Variants in CADPS2 observed in about 807,000 individuals in gnomAD.
The protein encoded by CADPS2 is calcium-dependent secretion activator 2.
In CADPS2, 93 loss-of-function variants were observed where a neutral mutation model predicts 172.5. The ratio of observed to expected loss-of-function variants is 0.54; its 90% CI spans 0.46 to 0.64. The LOEUF is 0.64. CADPS2 is among the 30% of genes least tolerant of loss of function. The probability of loss-of-function intolerance (pLI) is 0.00; values close to 1 mark genes in which losing one functional copy is unlikely to be tolerated. For synonymous variants in CADPS2, 546 were observed against 555.2 expected, an observed-to-expected ratio of 0.98 and a Z score of 0.23; for missense variants, 1,420 against 1,565.9, an observed-to-expected ratio of 0.91 and a Z score of 1.57.
At chr7:122,485,538 T>C (rs1240411911) in intron 11 of CADPS2, among the ~76,000 whole-genome samples, 2 of 152,138 alleles carry the variant, frequency 1.3e-5, no homozygotes, top group South Asian at 2.1e-4. Flanking sequence ...TGAAGAAGCC[T>C]CTGCAAACTG....
intron 8 of CADPS2, among the ~76,000 whole-genome samples, chr7:122,541,579 A>G (rs1401256617): frequency 6.9e-6 from 1 of 144,682 alleles, no homozygotes; most frequent in East Asian, 2.0e-4. Context: ...ATATTCATAT[A>G]TATTTATATA....
intron 5 of CADPS2, among the ~76,000 whole-genome samples, chr7:122,616,235 C>T (rs1011313172): frequency 2.0e-5 from 3 of 151,902 alleles, no homozygotes; most frequent in Non-Finnish European, 4.4e-5. Context: ...CTTAATTGAT[C>T]CCATGTGGTA....
At chr7:122,336,232 C>T (rs1163508813) in intron 28 of CADPS2, among the ~76,000 whole-genome samples, 2 of 152,202 alleles carry the variant, frequency 1.3e-5, no homozygotes, top group Admixed American at 1.3e-4. Context: ...CTGGCTGCCA[C>T]TGCTGTGCCC....
At chr7:122,873,884 T>G (rs972850720) in intron 1 of CADPS2, among the ~76,000 whole-genome samples, 1 of 152,256 alleles carries the variant, frequency 6.6e-6, no homozygotes. Context: ...TGATATCTCG[T>G]TGTGGTTTTG....
At chr7:122,384,365 TTGC>T (rs1406721693) in intron 24 of CADPS2, among the ~76,000 whole-genome samples, 2 of 152,114 alleles carry the variant, frequency 1.3e-5, no homozygotes, top group African/African-American at 4.8e-5. Context: ...AGAAAAAACA[TTGC>T]TGCTATGTTT....
chr7:122,705,495 C>T lies in CADPS2; in HGVS notation c.453+31460G>A, dbSNP rs1308113732. Among the ~76,000 whole-genome samples the T allele has an allele frequency of 7.1e-5, 8 of 112,656 alleles. 1 individual carries two copies. Among genetic ancestry groups the T allele is most frequent in the African/African-American group, 1.0e-4 (3 of 28,808 alleles). 73.9% of individuals were successfully genotyped at this position (112,656 alleles called of 152,430 possible). On this transcript the variant is annotated intron_variant, in intron 2 of 29. Transcript: ENST00000449022. ...TATATATATTTATATTATATATTAT[C>T]TATATTATATATTATCTATATTTAT...
intron 2 of CADPS2, among the ~76,000 whole-genome samples, chr7:122,675,066 T>C (rs2082255413): frequency 2.0e-5 from 3 of 152,344 alleles, no homozygotes; most frequent in Admixed American, 1.3e-4. Flanking sequence ...TCCTGATTCA[T>C]ACGTGTTGTA....
At chr7:122,641,234 T>A (rs1418289598) in intron 3 of CADPS2, among the ~76,000 whole-genome samples, 1 of 152,236 alleles carries the variant, frequency 6.6e-6, no homozygotes, top group Non-Finnish European at 1.5e-5. Context: ...ACCTAATGTG[T>A]ATCTTTATTA....
At chr7:122,674,326 A>G (rs1287498590) in intron 2 of CADPS2, among the ~76,000 whole-genome samples, 2 of 152,200 alleles carry the variant, frequency 1.3e-5, no homozygotes, top group Admixed American at 1.3e-4. Context: ...CAGAGTGGAC[A>G]TCGAGGCTGA....
intron 8 of CADPS2, among the ~76,000 whole-genome samples, chr7:122,519,006 G>A (rs1251102770): frequency 6.6e-6 from 1 of 151,246 alleles, no homozygotes; most frequent in African/African-American, 2.4e-5. Flanking sequence ...AGAAATATAT[G>A]GAAAAACAAA....
chr7:122,642,859 A>G (rs1044672360), intron 3 of CADPS2, among the ~76,000 whole-genome samples: 8 of 152,158 alleles, frequency 5.3e-5, no homozygotes, highest in Admixed American at 5.2e-4. Flanking sequence ...CTGAAAAAAA[A>G]TCAATTAGTT....
chr7:122,717,062 CAA>C (rs1344053694), intron 2 of CADPS2, among the ~76,000 whole-genome samples: 1 of 152,110 alleles, frequency 6.6e-6, no homozygotes, highest in Non-Finnish European at 1.5e-5. Context: ...AATGGCAAAA[CAA>C]AGACTCCTTT....
At chr7:122,676,743 C>G (rs888434672) in intron 2 of CADPS2, 53 of 1,412,380 alleles carry the variant, frequency 3.8e-5, no homozygotes, top group Non-Finnish European at 4.9e-5. Context: ...AGAGGCAGAT[C>G]CAGATTATCA....
intron 9 of CADPS2, among the ~76,000 whole-genome samples, chr7:122,505,690 T>C (rs1209605436): frequency 6.6e-6 from 1 of 152,160 alleles, no homozygotes; most frequent in Non-Finnish European, 1.5e-5. Context: ...ATGTGAGCCA[T>C]GAGACAACTG....
chr7:122,526,179 C>CTTATTTATTTATTTAT (rs3069351), intron 8 of CADPS2, among the ~76,000 whole-genome samples: 26 of 149,858 alleles, frequency 1.7e-4, no homozygotes, highest in African/African-American at 6.2e-4. Context: ...CTTTGATACA[C>CTTATTTATTTATTTAT]TTATTTATTT....
At chr7:122,585,197 G>A (rs1189391448) in intron 6 of CADPS2, among the ~76,000 whole-genome samples, 1 of 151,924 alleles carries the variant, frequency 6.6e-6, no homozygotes, top group Non-Finnish European at 1.5e-5. Context: ...TTTTAAGGGG[G>A]TGCATAAATA....
chr7:122,564,671 C>A (rs1315319084), intron 7 of CADPS2, among the ~76,000 whole-genome samples: 2 of 151,818 alleles, frequency 1.3e-5, no homozygotes, highest in East Asian at 3.9e-4. Context: ...TACTAAGTAC[C>A]CAAAGTAAAA....
chr7:122,735,218 G>C (rs950439046), intron 2 of CADPS2, among the ~76,000 whole-genome samples: 3 of 152,048 alleles, frequency 2.0e-5, no homozygotes, highest in East Asian at 3.9e-4. Flanking sequence ...CCAAACTCTA[G>C]ATATATTAGG....
At chr7:122,705,830 T>C (rs1158267584) in intron 2 of CADPS2, among the ~76,000 whole-genome samples, 1 of 17,442 alleles carries the variant, frequency 5.7e-5, no homozygotes, top group East Asian at 5.2e-3. Flanking sequence ...AATATATATT[T>C]ATATATAATA....
Sources: gnomAD v4.1 joint callset for allele counts (sites outside exome capture counted in the v4.1 genomes callset) on GRCh38, gnomAD v4.1.1 for gene constraint, MANE v1.5 for transcripts, NCBI Gene and HGNC (gene_info 2026-07-23, HGNC 2026-07-21) for gene names.